Variants in TENM2 observed in about 807,000 individuals in gnomAD.
The protein encoded by TENM2 is teneurin-2.
TENM2 carries 52 observed loss-of-function variants against 245.2 expected under a neutral mutation model. The ratio of observed to expected loss-of-function variants is 0.21; its 90% CI spans 0.17 to 0.27. The LOEUF is 0.27. Ranked by LOEUF, TENM2 falls within the 10% of genes least tolerant of loss-of-function variation. The pLI is 1.00. For synonymous variants in TENM2, 1,363 were observed against 1,438.9 expected (o/e 0.95, Z 1.19); for missense variants, 3,046 against 3,666.8 (o/e 0.83, Z 4.37).
intron 2 of TENM2, among the ~76,000 whole-genome samples, chr5:167,529,417 C>T (rs1444532798): frequency 6.6e-6 from 1 of 152,196 alleles, no homozygotes; most frequent in Non-Finnish European, 1.5e-5. Flanking sequence ...TATGACTCTT[C>T]AGCAATGTTG....
chr5:167,278,484 A>G, the TENM2 span, among the ~76,000 whole-genome samples: 15 of 152,112 alleles, frequency 9.9e-5, 1 homozygote, highest in South Asian at 2.9e-3. Context: ...TTGTTCTCAC[A>G]TTCTCTGTAC....
chr5:167,816,115 C>G (rs778816888), intron 2 of TENM2, among the ~76,000 whole-genome samples: 1 of 151,868 alleles, frequency 6.6e-6, no homozygotes, highest in Non-Finnish European at 1.5e-5. Context: ...ACTGGTGACT[C>G]AGTCAAGAAA....
chr5:168,087,996 T>C (rs1231032830), intron 7 of TENM2, among the ~76,000 whole-genome samples: 1 of 152,150 alleles, frequency 6.6e-6, no homozygotes, highest in African/African-American at 2.4e-5. Context: ...GTCTTCTCTT[T>C]CCCCTGAAAA....
intron 3 of TENM2, among the ~76,000 whole-genome samples, chr5:167,904,285 C>A (rs1207802568): frequency 6.6e-6 from 1 of 152,132 alleles, no homozygotes; most frequent in Non-Finnish European, 1.5e-5. Flanking sequence ...AGAGCTGCAT[C>A]CCCACCTGCC....
chr5:168,158,829 G>GTGTGTA (rs1397260649), intron 12 of TENM2, among the ~76,000 whole-genome samples: 2 of 63,716 alleles, frequency 3.1e-5, no homozygotes, highest in African/African-American at 1.2e-4. Flanking sequence ...GTGTGTGTGT[G>GTGTGTA]TATATATATA....
the TENM2 span, among the ~76,000 whole-genome samples, chr5:167,173,360 A>G: frequency 6.6e-6 from 1 of 152,202 alleles, no homozygotes; most frequent in South Asian, 2.1e-4. Context: ...TACTCATTCA[A>G]GCTCTTCCTT....
the TENM2 span, among the ~76,000 whole-genome samples, chr5:167,170,637 G>A: frequency 6.6e-6 from 1 of 152,082 alleles, no homozygotes; most frequent in African/African-American, 2.4e-5. Context: ...ATAACATTAG[G>A]TCAGTTTTTT....
chr5:167,537,968 T>C (rs550373318), intron 2 of TENM2, among the ~76,000 whole-genome samples: 1 of 152,302 alleles, frequency 6.6e-6, no homozygotes, highest in African/African-American at 2.4e-5. Flanking sequence ...GCTTACACCT[T>C]AAGGGAGGAA....
At chr5:167,826,199 A>G (rs1318541122) in intron 2 of TENM2, among the ~76,000 whole-genome samples, 1 of 152,214 alleles carries the variant, frequency 6.6e-6, no homozygotes, top group African/African-American at 2.4e-5. Flanking sequence ...AAGAATTGAG[A>G]GTTTCATATG....
At chr5:167,033,436 C>T in the TENM2 span, among the ~76,000 whole-genome samples, 1 of 152,172 alleles carries the variant, frequency 6.6e-6, no homozygotes, top group African/African-American at 2.4e-5. Flanking sequence ...GTGATTTGGG[C>T]TGTGTGCTGT....
At chr5:167,898,969 C>T (rs923488948) in intron 3 of TENM2, among the ~76,000 whole-genome samples, 11 of 151,590 alleles carry the variant, frequency 7.3e-5, no homozygotes, top group Non-Finnish European at 1.5e-4. Flanking sequence ...ACAGCTGAAA[C>T]TTTGGGTCTG....
chr5:167,031,998 G>A, the TENM2 span, among the ~76,000 whole-genome samples: 1 of 152,126 alleles, frequency 6.6e-6, no homozygotes, highest in South Asian at 2.1e-4. Flanking sequence ...ATAGTTAGAA[G>A]GTAGACAGCC....
At chr5:167,614,681 G>A (rs907095726) in intron 2 of TENM2, among the ~76,000 whole-genome samples, 9 of 152,112 alleles carry the variant, frequency 5.9e-5, no homozygotes, top group Admixed American at 3.9e-4. Context: ...GGTTGCATGA[G>A]GAAGAGAGAA....
At chr5:168,198,880 T>A in exon 16 of TENM2, 1 of 1,613,978 alleles carries the variant, frequency 6.2e-7, no homozygotes, top group Non-Finnish European at 8.5e-7. Context: ...ATGGAGGTGC[T>A]TCCTTGACTC....
chr5:168,036,647 T>A (rs778250316), intron 5 of TENM2, among the ~76,000 whole-genome samples: 1,812 of 67,668 alleles, frequency 0.027, 53 homozygotes, highest in East Asian at 0.08. Context: ...AAAAAAAATA[T>A]ATATATATAT....
chr5:168,199,795 G>A, intron 16 of TENM2, 69 bp from the exon 19 acceptor site: 1 of 1,519,346 alleles, frequency 6.6e-7, no homozygotes, highest in Non-Finnish European at 8.9e-7. Context: ...CAGACAGACA[G>A]TATCGGGGTT....
the TENM2 span, among the ~76,000 whole-genome samples, chr5:167,246,839 G>A: frequency 1.3e-5 from 2 of 151,950 alleles, no homozygotes; most frequent in African/African-American, 4.8e-5. Context: ...TGTGGGGAAT[G>A]TGGTGCTTCA....
chr5:168,180,987 A>G (rs996996406), intron 13 of TENM2, among the ~76,000 whole-genome samples: 1 of 152,138 alleles, frequency 6.6e-6, no homozygotes, highest in African/African-American at 2.4e-5. Flanking sequence ...TCTTAACACC[A>G]TACCGGAGCA....
At chr5:167,975,604 G>A (rs1357005737) in intron 4 of TENM2, among the ~76,000 whole-genome samples, 1 of 152,174 alleles carries the variant, frequency 6.6e-6, no homozygotes, top group Non-Finnish European at 1.5e-5. Flanking sequence ...ACATGTCACA[G>A]GGGTTGCCAT....
Sources: allele counts gnomAD v4.1 joint callset (sites outside exome capture counted in the v4.1 genomes callset), GRCh38; gene constraint gnomAD v4.1.1; transcripts MANE v1.5; gene names NCBI Gene and HGNC (gene_info 2026-07-23, HGNC 2026-07-21).